Variants in FRMPD1 observed in about 807,000 individuals in gnomAD.
FRMPD1 encodes FERM and PDZ domain-containing protein 1.
Under a neutral mutation model 117.8 loss-of-function variants are expected in FRMPD1, and 76 were observed. The observed-to-expected ratio is 0.65, with a 90% CI of 0.54 to 0.78. FRMPD1 has a LOEUF of 0.78. Among genes scored for constraint, FRMPD1 ranks in the 30% least tolerant of loss-of-function variants. The pLI is 0.00. For missense variants in FRMPD1, 1,786 were observed against 1,964.5 expected (o/e 0.91, Z 1.72); for synonymous variants, 783 against 770.4 (o/e 1.02, Z -0.27).
At chr9:37,676,271 C>G (rs184375834) in intron 1 of FRMPD1, among the ~76,000 whole-genome samples, 1 of 152,010 alleles carries the variant, frequency 6.6e-6, no homozygotes, top group Admixed American at 6.6e-5. Context: ...GTGGCCAGTT[C>G]TGTTTTTCGT....
At chr9:37,624,739 G>A in the FRMPD1 span, among the ~76,000 whole-genome samples, 1 of 152,210 alleles carries the variant, frequency 6.6e-6, no homozygotes, top group Non-Finnish European at 1.5e-5. Flanking sequence ...CTGAAAAGAT[G>A]TGAGGGATTG....
rs75236931 is a variant in FRMPD1, at chr9:37,654,176, A to G, written c.-5+3082A>G. On this transcript the variant is annotated intron_variant, in intron 1 of 15. Transcript: ENST00000377765. ...TTCCTGGAGTTTATATTCTAGTTGGAGAAAATAATGAAGAAGTCATTACAT... is the reference window on the plus strand; with the variant it reads ...TTCCTGGAGTTTATATTCTAGTTGGGGAAAATAATGAAGAAGTCATTACAT... Among the ~76,000 whole-genome samples, 542 of 152,360 alleles carry G rather than the reference A, an allele frequency of 3.6e-3. 3 individuals are homozygous for G. The highest frequency in any genetic ancestry group is 0.012 in the African/African-American group (509 of 41,574).
At chr9:37,719,740 T>C (rs1010280101) in intron 6 of FRMPD1, among the ~76,000 whole-genome samples, 2 of 152,198 alleles carry the variant, frequency 1.3e-5, no homozygotes, top group African/African-American at 4.8e-5. Flanking sequence ...CCCAGGTCCA[T>C]GTGACTTTGG....
chr9:37,697,400 A>G (rs903216181), intron 2 of FRMPD1, among the ~76,000 whole-genome samples: 1 of 146,170 alleles, frequency 6.8e-6, no homozygotes, highest in Non-Finnish European at 1.5e-5. Context: ...CGTCTCTGCT[A>G]AAAAAAAAAC....
In FRMPD1 at chr9:37,746,147, C is replaced by T. The variant is rs184865749; in HGVS notation, c.4115C>T (p.Ala1372Val). ...GCCCCCCTCACCTCACCGCCCTCTG[C>T]GGGAAGCCCGGTGGTTCTGCCCTGG... ...PMAPLTSPPS[A>V]GSPVVLPWRP... The change falls in exon 16 of 16, where the codon GCG (alanine) becomes GTG (valine). Residue 1372 changes from alanine to valine, a missense_variant. Ala to Val is a moderately conservative substitution (Grantham distance 64, BLOSUM62 0). Coordinates refer to ENST00000377765, the MANE Select transcript of FRMPD1 (RefSeq NM_014907.3). 38 of 1,613,908 alleles carry T rather than the reference C, an allele frequency of 2.4e-5. No individual in the cohort carries two copies. Among genetic ancestry groups the T allele is most frequent in the Admixed American group, 2.0e-4 (12 of 60,026 alleles).
At chr9:37,727,022 G>A (rs906944313) in intron 7 of FRMPD1, among the ~76,000 whole-genome samples, 4 of 152,160 alleles carry the variant, frequency 2.6e-5, no homozygotes, top group East Asian at 1.9e-4. Context: ...ATCCGGGCAC[G>A]GCGAACAACA....
At chr9:37,693,056 ACT>A (rs1438151903) in intron 2 of FRMPD1, 7 of 360,210 alleles carry the variant, frequency 1.9e-5, no homozygotes, top group East Asian at 5.1e-5. Context: ...ATGCATATAC[ACT>A]CTCTGGAGCA....
In FRMPD1 at chr9:37,733,822, A is replaced by G; in HGVS notation, c.1215A>G (p.Leu405=). 1 of 1,487,148 alleles carries G rather than the reference A, an allele frequency of 6.7e-7. No individual in the cohort carries two copies. The highest frequency in any genetic ancestry group is 9.4e-7 in the Non-Finnish European group (1 of 1,064,692). 92.1% of individuals were successfully genotyped at this position (1,487,148 alleles called of 1,614,324 possible). The part of the protein sequence containing the change: ...TYGGRIFNAT[L]MLQDRESYIA... ...GTGGAAGAATCTTTAATGCTACTTT[A>G]ATGGTATGTATTAGAGAACTGTGAA... The change falls in exon 12 of 16, where the codon TTA becomes TTG. Residue 405 remains leucine (L), a synonymous_variant. Coordinates refer to ENST00000377765, the MANE Select transcript of FRMPD1 (RefSeq NM_014907.3).
chr9:37,718,488 A>G (rs1477694915), intron 5 of FRMPD1, among the ~76,000 whole-genome samples: 2 of 152,138 alleles, frequency 1.3e-5, no homozygotes, highest in African/African-American at 4.8e-5. Flanking sequence ...TTCACCATAT[A>G]CTCATACCAA....
chr9:37,746,116 C>T lies in FRMPD1; in HGVS notation c.4084C>T (p.Pro1362Ser), dbSNP rs763437514. The change falls in exon 16 of 16, where the codon CCC becomes TCC. Residue 1362 changes from proline to serine, a missense_variant. Physicochemically the swap from Pro to Ser is moderately conservative, Grantham distance 74. Transcript: ENST00000377765. Reference protein sequence around the residue: ...EEEDRDLEAHPMAPLTSPPSA... With the variant: ...EEEDRDLEAHSMAPLTSPPSA... Reference sequence around the variant, plus strand: ...AGAAGACAGGGACTTGGAAGCACACCCCATGGCCCCCCTCACCTCACCGCC... The same window carrying T: ...AGAAGACAGGGACTTGGAAGCACACTCCATGGCCCCCCTCACCTCACCGCC... The T allele has an allele frequency of 3.7e-6, 6 of 1,614,180 alleles. No homozygotes were observed. Among genetic ancestry groups the T allele is most frequent in the South Asian group, 2.2e-5 (2 of 91,088 alleles).
intron 1 of FRMPD1, among the ~76,000 whole-genome samples, chr9:37,667,017 T>C (rs1275850746): frequency 6.7e-6 from 1 of 150,338 alleles, no homozygotes; most frequent in Non-Finnish European, 1.5e-5. Flanking sequence ...TCCTCTCTTA[T>C]GGTGTTCTGG....
chr9:37,629,260 T>G, the FRMPD1 span, among the ~76,000 whole-genome samples: 2 of 152,224 alleles, frequency 1.3e-5, no homozygotes, highest in African/African-American at 4.8e-5. Context: ...AATCTGACTT[T>G]TAACAAACCC....
the FRMPD1 span, among the ~76,000 whole-genome samples, chr9:37,628,996 C>T: frequency 6.6e-5 from 10 of 152,286 alleles, no homozygotes; most frequent in South Asian, 6.2e-4. Flanking sequence ...GTCAGGAGTT[C>T]AAGACCAGCC....
intron 1 of FRMPD1, among the ~76,000 whole-genome samples, chr9:37,673,277 G>A (rs1821416606): frequency 6.6e-6 from 1 of 152,220 alleles, no homozygotes; most frequent in African/African-American, 2.4e-5. Context: ...CCAAAATCCA[G>A]TGGAGCAGTC....
At position 37,745,378 on chromosome 9, in the gene FRMPD1, G is replaced by C; in HGVS notation, c.3346G>C (p.Val1116Leu). ...GQLSLERDRE[V>L]TNKNGTNVFQ... ...ACTATCTCTGGAAAGAGACAGAGAA[G>C]TTACAAACAAAAATGGCACCAACGT... is the stretch of plus-strand genomic sequence containing the variant. Residue 1116 changes from valine to leucine, a missense_variant, in exon 16 of 16, where the codon GTT (valine) becomes CTT (leucine). Transcript: ENST00000377765. 6.2e-7 allele frequency: 1 copy of C among 1,614,148 alleles called. No individual in the cohort carries two copies. The highest frequency in any genetic ancestry group is 8.5e-7 in the Non-Finnish European group (1 of 1,179,966).
intron 1 of FRMPD1, among the ~76,000 whole-genome samples, chr9:37,666,188 A>G (rs1821154489): frequency 1.3e-5 from 2 of 152,100 alleles, no homozygotes; most frequent in Non-Finnish European, 1.5e-5. Flanking sequence ...GTAAAAGAAA[A>G]TGGGGGCATT....
rs944731994 is a variant in FRMPD1, at chr9:37,737,230, A to G, written c.1536A>G (p.Val512=). ...GAAACAAACAACAAGCGCACCGGGTATCTGCAGAAGAAGGTGAGGCACTGA... is the reference window on the plus strand; with the variant it reads ...GAAACAAACAACAAGCGCACCGGGTGTCTGCAGAAGAAGGTGAGGCACTGA... The part of the protein sequence containing the change: ...WPGNKQQAHR[V]SAEEGYESRA... Residue 512 remains valine, a synonymous_variant, in exon 14 of 16, where the codon GTA becomes GTG. Transcript: ENST00000377765. 8.7e-6 allele frequency: 14 copies of G among 1,613,838 alleles called. No homozygotes were observed. Among genetic ancestry groups the G allele is most frequent in the Non-Finnish European group, 1.2e-5 (14 of 1,179,914 alleles).
rs200547674 is a variant in FRMPD1 at position 37,746,220 on chromosome 9, A to G, written c.4188A>G (p.Lys1396=). The G allele has an allele frequency of 1.5e-4, 235 of 1,613,180 alleles. No homozygotes were observed. Among genetic ancestry groups the G allele is most frequent in the Non-Finnish European group, 1.9e-4 (223 of 1,179,924 alleles). Residue 1396 remains lysine, a synonymous_variant, in exon 16 of 16, where the codon AAA becomes AAG. Coordinates refer to ENST00000377765, the MANE Select transcript of FRMPD1 (RefSeq NM_014907.3). The part of the protein sequence containing the change: ...HSCTTAPLSR[K]SHIWPEYCSR... Reference sequence around the variant, plus strand: ...GCACCACCGCACCCCTGTCGAGGAAAAGCCACATCTGGCCAGAGTACTGCT... The same window carrying G: ...GCACCACCGCACCCCTGTCGAGGAAGAGCCACATCTGGCCAGAGTACTGCT...
At chr9:37,626,504 A>G in the FRMPD1 span, among the ~76,000 whole-genome samples, 6 of 147,914 alleles carry the variant, frequency 4.1e-5, no homozygotes, top group African/African-American at 1.5e-4. Context: ...TAGTCTCAAA[A>G]AAAAAAAAAA....
Sources: gnomAD v4.1 joint callset for allele counts (sites outside exome capture counted in the v4.1 genomes callset) on GRCh38, gnomAD v4.1.1 for gene constraint, MANE v1.5 for transcripts, NCBI Gene and HGNC (gene_info 2026-07-23, HGNC 2026-07-21) for gene names.